The following DAW1 variants were observed in gnomAD, a reference collection of about 807,000 sequenced individuals.
DAW1 encodes dynein assembly factor with WD repeats 1.
In DAW1, 47 loss-of-function variants were observed where a neutral mutation model predicts 56.5. That is an observed-to-expected ratio of 0.83 (90% CI 0.66 to 1.06). The LOEUF is 1.06. Ranked by LOEUF, DAW1 falls within the 50% of genes least tolerant of loss-of-function variation. DAW1 has a pLI of 0.00. For missense variants in DAW1, 505 were observed against 499.3 expected (o/e 1.01, Z -0.11); for synonymous variants, 190 against 179.0 (o/e 1.06, Z -0.49).
At chr2:227,919,177 C>G (rs912901579) in intron 11 of DAW1, among the ~76,000 whole-genome samples, 4 of 122,790 alleles carry the variant, frequency 3.3e-5, no homozygotes, top group Admixed American at 2.0e-4. Flanking sequence ...GCCTGGGTGA[C>G]AGAGCAAGAC....
chr2:227,911,074 A>G (rs1165184746), intron 10 of DAW1, among the ~76,000 whole-genome samples: 6 of 151,886 alleles, frequency 4.0e-5, no homozygotes, highest in Non-Finnish European at 8.8e-5. Context: ...TTTTTGAGCC[A>G]TATCCTTGAC....
intron 8 of DAW1, 63 bp downstream of exon 8, chr2:227,905,098 A>G (rs1487743347): frequency 2.6e-5 from 38 of 1,436,508 alleles, no homozygotes; most frequent in African/African-American, 5.7e-5. Flanking sequence ...ACCCTCTGTT[A>G]TTTTTTAGTT....
At position 227,924,006 on chromosome 2, in the gene DAW1, T is replaced by C. The variant is rs16824231; in HGVS notation, c.*38T>C. On this transcript the variant is annotated 3_prime_UTR_variant, in exon 13 of 13. Transcript: ENST00000309931. ...GGTCAGTGAGCAACCTTGCTAGCAA[T>C]GGTAATCAAGAACTGGAACTTCACA... is the stretch of plus-strand genomic sequence containing the variant. The C allele has an allele frequency of 0.058, 93,059 of 1,612,282 alleles. 2,999 individuals are homozygous for C. Among genetic ancestry groups the C allele is most frequent in the Middle Eastern group, 0.083 (503 of 6,060 alleles).
intron 8 of DAW1, 61 bp downstream of exon 8, chr2:227,905,096 T>C: frequency 6.9e-7 from 1 of 1,457,214 alleles, no homozygotes; most frequent in Non-Finnish European, 9.4e-7. Context: ...AAACCCTCTG[T>C]TATTTTTTAG....
rs545562750 is a variant in DAW1, at chr2:227,923,607, G to A, written c.1214-327G>A. 5.9e-5 allele frequency among the ~76,000 whole-genome samples: 9 copies of A among 152,280 alleles called. No individual in the cohort carries two copies. The South Asian group carries it at 1.7e-3, about 28-fold the overall frequency. On this transcript the variant is annotated intron_variant, in intron 12 of 12. Coordinates refer to ENST00000309931, the MANE Select transcript of DAW1 (RefSeq NM_178821.3). ...AGTTGCTGTATTTCCACTGGGTGGT[G>A]ATGTTTGAGGGGACGGCAGAGGGGA... is the stretch of plus-strand genomic sequence containing the variant.
intron 1 of DAW1, among the ~76,000 whole-genome samples, chr2:227,880,514 G>T (rs902342247): frequency 5.9e-5 from 9 of 151,880 alleles, no homozygotes; most frequent in Admixed American, 5.2e-4. Context: ...ACTACTTCTT[G>T]GGGGGAAAAC....
At chr2:227,918,409 T>A (rs1692024957) in intron 10 of DAW1, among the ~76,000 whole-genome samples, 1 of 152,226 alleles carries the variant, frequency 6.6e-6, no homozygotes, top group Non-Finnish European at 1.5e-5. Flanking sequence ...AAACTCAGAC[T>A]CACACCTAGT....
chr2:227,884,928 A>G (rs571990802), intron 1 of DAW1, among the ~76,000 whole-genome samples: 31 of 152,260 alleles, frequency 2.0e-4, no homozygotes, highest in African/African-American at 7.0e-4. Flanking sequence ...AACAGCCCCA[A>G]GCTTCCACTG....
At chr2:227,890,349 C>T (rs116625113) in intron 3 of DAW1, among the ~76,000 whole-genome samples, 2,255 of 152,090 alleles carry the variant, frequency 0.015, 31 homozygotes, top group Non-Finnish European at 0.021. Flanking sequence ...ATCAACATTT[C>T]GTATTTTCTG....
Position 227,903,022 on chromosome 2 carries a change from T to G in DAW1, c.561T>G (p.Pro187=). The G allele has an allele frequency of 6.2e-7, 1 of 1,614,190 alleles. No homozygotes were observed. Among genetic ancestry groups the G allele is most frequent in the Non-Finnish European group, 8.5e-7 (1 of 1,180,018 alleles). The change falls in exon 7 of 13, where the codon CCT becomes CCG. Residue 187 remains proline (P), a synonymous_variant. Coordinates refer to ENST00000309931, the MANE Select transcript of DAW1 (RefSeq NM_178821.3). The part of the protein sequence containing the change: ...TAEIVCLSFN[P]QSTLVATGSM... ...TTTAGGTGTGTTTATCATTTAACCC[T>G]CAAAGCACATTGGTGGCGACTGGAA...
intron 12 of DAW1, among the ~76,000 whole-genome samples, chr2:227,923,010 C>T (rs971632801): frequency 6.6e-6 from 1 of 152,180 alleles, no homozygotes; most frequent in African/African-American, 2.4e-5. Flanking sequence ...AACCAGTTTT[C>T]ACAGAAGACC....
At chr2:227,909,718 G>A (rs1023013069) in intron 10 of DAW1, among the ~76,000 whole-genome samples, 3 of 152,244 alleles carry the variant, frequency 2.0e-5, no homozygotes, top group Admixed American at 6.5e-5. Context: ...CCAGAAGCTC[G>A]ATGACCGAGG....
chr2:227,894,826 G>A (rs1287892285), intron 5 of DAW1, among the ~76,000 whole-genome samples: 2 of 152,200 alleles, frequency 1.3e-5, no homozygotes, highest in African/African-American at 2.4e-5. Context: ...GCCGGAATGG[G>A]CATCCTCCTC....
At chr2:227,877,558 A>G (rs571596245) in intron 1 of DAW1, among the ~76,000 whole-genome samples, 52 of 152,360 alleles carry the variant, frequency 3.4e-4, no homozygotes, top group South Asian at 2.1e-3. Flanking sequence ...GATCAATGTT[A>G]CACAACCTTT....
At position 227,891,199 on chromosome 2, in the gene DAW1, A is replaced by G; in HGVS notation, c.259-56A>G. On this transcript the variant is annotated intron_variant, in intron 3 of 12. Transcript: ENST00000309931. ...AATGTCTTCATTGGTTTGAAGTTAT[A>G]ACTAACAAATTTAATTTGGTTTGAG... 3 of 1,504,494 alleles carry G rather than the reference A, an allele frequency of 2.0e-6. No homozygotes were observed. In the South Asian group the frequency reaches 3.5e-5, roughly 18 times the overall value. 93.2% of individuals were successfully genotyped at this position (1,504,494 alleles called of 1,614,324 possible). A position where few individuals can be genotyped will look rare whatever the true frequency, so the allele number is the denominator to read the frequency against.
At chr2:227,887,257 T>C (rs1691152699) in intron 2 of DAW1, among the ~76,000 whole-genome samples, 1 of 152,242 alleles carries the variant, frequency 6.6e-6, no homozygotes, top group African/African-American at 2.4e-5. Flanking sequence ...ATCTTTGTTA[T>C]TTTCAGAAAA....
At chr2:227,915,088 T>C (rs1691920557) in intron 10 of DAW1, among the ~76,000 whole-genome samples, 1 of 152,068 alleles carries the variant, frequency 6.6e-6, no homozygotes, top group Non-Finnish European at 1.5e-5. Flanking sequence ...CAAAAACATA[T>C]GGTGCCACAC....
At chr2:227,918,685 T>G (rs1233711685) in intron 10 of DAW1, 95 bp from the exon 11 acceptor site, 1 of 1,322,824 alleles carries the variant, frequency 7.6e-7, no homozygotes, top group Non-Finnish European at 1.1e-6. Context: ...AGAGCTCGTG[T>G]GTCAGGGGGA....
At chr2:227,897,843 A>G (rs1404957663) in intron 5 of DAW1, among the ~76,000 whole-genome samples, 3 of 152,014 alleles carry the variant, frequency 2.0e-5, no homozygotes, top group Admixed American at 1.3e-4. Context: ...TAATTTTTCT[A>G]TGTTTACACA....
Sources: gnomAD v4.1 joint callset for allele counts (sites outside exome capture counted in the v4.1 genomes callset) on GRCh38, gnomAD v4.1.1 for gene constraint, MANE v1.5 for transcripts, NCBI Gene and HGNC (gene_info 2026-07-23, HGNC 2026-07-21) for gene names.